PPP1R36: variants seen among roughly 807,000 people sequenced by gnomAD.
PPP1R36 encodes protein phosphatase 1 regulatory subunit 36.
PPP1R36 carries 47 observed loss-of-function variants against 53.4 expected under a neutral mutation model. The ratio of observed to expected loss-of-function variants is 0.88; its 90% CI spans 0.70 to 1.12. The LOEUF is 1.12. Among genes scored for constraint, PPP1R36 ranks in the 50% most tolerant of loss-of-function variants. The pLI is 0.00. For missense variants in PPP1R36, 456 were observed against 513.9 expected (o/e 0.89, Z 1.09); for synonymous variants, 153 against 170.5 (o/e 0.90, Z 0.80).
rs547333864 is a variant in PPP1R36 at position 64,555,604 on chromosome 14, C to T, written c.182+2743C>T. Among the ~76,000 whole-genome samples, 7 of 152,070 alleles carry T rather than the reference C, an allele frequency of 4.6e-5. No homozygotes were observed. The South Asian group carries it at 6.2e-4, about 14-fold the overall frequency. Reference sequence around the variant, plus strand: ...GTGAGTACCTGTAGTCCCAGTAAGTCGGGAGGTTGAGGGGACAGGATTGCT... The same window carrying T: ...GTGAGTACCTGTAGTCCCAGTAAGTTGGGAGGTTGAGGGGACAGGATTGCT... On this transcript the variant is annotated intron_variant, in intron 3 of 11. Coordinates refer to ENST00000298705, the MANE Select transcript of PPP1R36 (RefSeq NM_172365.3).
intron 1 of PPP1R36, 156 bp downstream of exon 1, chr14:64,550,222 A>AT: frequency 7.3e-6 from 10 of 1,369,074 alleles, no homozygotes; most frequent in Non-Finnish European, 6.6e-6. Context: ...ATATTTGCCT[A>AT]GAAAAAAAAA....
intron 3 of PPP1R36, among the ~76,000 whole-genome samples, chr14:64,553,750 A>T (rs1463046513): frequency 6.6e-6 from 1 of 150,622 alleles, no homozygotes; most frequent in Non-Finnish European, 1.5e-5. Flanking sequence ...CTTTATGTGT[A>T]TATACATATT....
chr14:64,585,889 T>G (rs2080429301), intron 8 of PPP1R36, among the ~76,000 whole-genome samples: 1 of 152,100 alleles, frequency 6.6e-6, no homozygotes, highest in Non-Finnish European at 1.5e-5. Flanking sequence ...AGAATCAGAA[T>G]TGTTAGGAGG....
chr14:64,550,052 C>A lies in PPP1R36; in HGVS notation c.55C>A (p.Pro19Thr). The change falls in exon 1 of 12, where the codon CCT becomes ACT. Residue 19 changes from proline to threonine, a missense_variant. Transcript: ENST00000298705. ...ARRKRLGGQT[P>T]YLMDQLGLRL... is the part of the protein sequence containing the mutation. ...GAGGAAGCGGTTAGGTGGGCAGACC[C>A]CTTACTTGATGGATGTAAGTGCAGC... 1 of 1,567,570 alleles carries A rather than the reference C, an allele frequency of 6.4e-7. No individual in the cohort carries two copies. The highest frequency in any genetic ancestry group is 8.7e-7 in the Non-Finnish European group (1 of 1,155,946).
At chr14:64,586,990 C>A in intron 9 of PPP1R36, 111 bp downstream of exon 9, 2 of 937,646 alleles carry the variant, frequency 2.1e-6, no homozygotes, top group Non-Finnish European at 3.3e-6. Context: ...AAAGACGGTG[C>A]TAACAAGCTA....
chr14:64,560,896 G>A (rs2080200833), intron 3 of PPP1R36, among the ~76,000 whole-genome samples: 1 of 152,162 alleles, frequency 6.6e-6, no homozygotes, highest in African/African-American at 2.4e-5. Flanking sequence ...TGTGTTATTG[G>A]TGCTAGTGAA....
intron 8 of PPP1R36, among the ~76,000 whole-genome samples, chr14:64,581,050 C>T (rs1198091702): frequency 6.6e-6 from 1 of 152,092 alleles, no homozygotes; most frequent in Non-Finnish European, 1.5e-5. Flanking sequence ...TAAGACCTGA[C>T]CTCTCTGATG....
chr14:64,571,541 T>C (rs1176182327), intron 7 of PPP1R36, among the ~76,000 whole-genome samples: 1 of 152,186 alleles, frequency 6.6e-6, no homozygotes, highest in Non-Finnish European at 1.5e-5. Flanking sequence ...TGAATTGACT[T>C]ACCTACTAAG....
chr14:64,578,411 G>C (rs557572513), intron 8 of PPP1R36, among the ~76,000 whole-genome samples: 2 of 152,310 alleles, frequency 1.3e-5, no homozygotes, highest in East Asian at 3.9e-4. Context: ...GTCTTGAAGA[G>C]AGTAGACTAG....
At chr14:64,564,727 C>T in intron 3 of PPP1R36, 24 bp from the exon 4 acceptor site, 2 of 1,545,650 alleles carry the variant, frequency 1.3e-6, no homozygotes, top group Non-Finnish European at 1.8e-6. Flanking sequence ...GGTGAAGTCC[C>T]TAATTATCTC....
At chr14:64,570,217 C>G (rs568817074) in intron 7 of PPP1R36, among the ~76,000 whole-genome samples, 1 of 152,256 alleles carries the variant, frequency 6.6e-6, no homozygotes, top group South Asian at 2.1e-4. Flanking sequence ...GGCACGGTGG[C>G]TCATGCCTGT....
chr14:64,560,441 GA>G (rs71123862), intron 3 of PPP1R36, among the ~76,000 whole-genome samples: 2,057 of 117,956 alleles, frequency 0.017, 16 homozygotes, highest in Middle Eastern at 0.031. Context: ...CCTATCTCAA[GA>G]AAAAAAAAAA....
chr14:64,589,299 C>T lies in PPP1R36; in HGVS notation c.1230C>T (p.Val410=), dbSNP rs2080465474. The T allele has an allele frequency of 6.2e-6, 10 of 1,613,772 alleles. No individual in the cohort carries two copies. The highest frequency in any genetic ancestry group is 8.5e-6 in the Non-Finnish European group (10 of 1,179,734). ...NMRIQDTLDL[V]MKTLSSHTSC... ...GGATTCAGGATACACTGGACTTGGT[C>T]ATGAAAACACTGTCCTCTCATACAT... Residue 410 remains valine, a synonymous_variant, in exon 12 of 12, where the codon GTC becomes GTT. Transcript: ENST00000298705.
intron 8 of PPP1R36, chr14:64,586,485 A>T (rs2080434766): frequency 5.3e-6 from 1 of 187,906 alleles, no homozygotes; most frequent in Non-Finnish European, 1.1e-5. Flanking sequence ...TCTTTATTGC[A>T]GACTTACCCT....
intron 8 of PPP1R36, chr14:64,586,569 T>G: frequency 3.1e-6 from 1 of 317,612 alleles, no homozygotes; most frequent in South Asian, 1.0e-4. Flanking sequence ...CAGAAGCCTT[T>G]GGAAGAATAC....
chr14:64,572,534 C>T (rs183224752), intron 7 of PPP1R36, among the ~76,000 whole-genome samples: 7 of 151,766 alleles, frequency 4.6e-5, no homozygotes, highest in Non-Finnish European at 7.4e-5. Flanking sequence ...CTTTTTTTTC[C>T]ATTTCAACAC....
chr14:64,588,031 A>C, intron 10 of PPP1R36, 73 bp from the exon 11 acceptor site: 1 of 1,414,874 alleles, frequency 7.1e-7, no homozygotes, highest in Non-Finnish European at 9.6e-7. Flanking sequence ...GGCATGAGCC[A>C]CTGCACCTGG....
At chr14:64,570,289 C>G (rs2080292731) in intron 7 of PPP1R36, among the ~76,000 whole-genome samples, 1 of 152,056 alleles carries the variant, frequency 6.6e-6, no homozygotes, top group South Asian at 2.1e-4. Flanking sequence ...CGAGACCAGC[C>G]TGACCAACAT....
chr14:64,573,946 C>CAAAAAAAAAAAAAA (rs2080322994), intron 7 of PPP1R36, among the ~76,000 whole-genome samples: 2 of 58,556 alleles, frequency 3.4e-5, no homozygotes, highest in African/African-American at 1.3e-4. Context: ...AAAAAAAAAG[C>CAAAAAAAAAAAAAA]AAAAATACAC....
Sources: allele counts gnomAD v4.1 joint callset (sites outside exome capture counted in the v4.1 genomes callset), GRCh38; gene constraint gnomAD v4.1.1; transcripts MANE v1.5; gene names NCBI Gene and HGNC (gene_info 2026-07-23, HGNC 2026-07-21).